Variants in CDH8 observed in about 807,000 individuals in gnomAD.
The protein encoded by CDH8 is cadherin-8.
A neutral mutation model predicts 68.1 loss-of-function variants in CDH8; 17 were observed. The ratio of observed to expected loss-of-function variants is 0.25; its 90% confidence interval spans 0.17 to 0.37. The LOEUF (loss-of-function observed/expected upper bound fraction) is 0.37, where lower values mean the gene tolerates loss of function less well. CDH8 is among the 10% of genes least tolerant of loss of function. The pLI, the probability that CDH8 is intolerant of heterozygous loss-of-function variation, is 1.00. For missense variants in CDH8, 763 were observed against 999.3 expected, an observed-to-expected ratio of 0.76 and a Z score of 3.19; for synonymous variants, 372 against 365.1, an observed-to-expected ratio of 1.02 and a Z score of -0.21.
intron 3 of CDH8, among the ~76,000 whole-genome samples, chr16:61,859,534 G>A (rs1002219819): frequency 6.6e-6 from 1 of 152,170 alleles, no homozygotes; most frequent in Admixed American, 6.5e-5. Context: ...CACTCTCTCT[G>A]TTAGGGCCTC....
chr16:61,903,769 C>T (rs1964019680), intron 2 of CDH8, among the ~76,000 whole-genome samples: 1 of 152,092 alleles, frequency 6.6e-6, no homozygotes, highest in South Asian at 2.1e-4. Flanking sequence ...GAAACTGAAA[C>T]CATCCAGCTA....
At chr16:61,934,127 C>G (rs1283043223) in intron 2 of CDH8, 1 of 152,128 alleles carries the variant, frequency 6.6e-6, no homozygotes, top group Non-Finnish European at 1.5e-5. Flanking sequence ...CTGAGTGGTT[C>G]CCTGATTCAG....
intron 8 of CDH8, among the ~76,000 whole-genome samples, chr16:61,774,456 A>C (rs1297096517): frequency 2.2e-5 from 2 of 90,872 alleles, no homozygotes; most frequent in African/African-American, 1.6e-4. Flanking sequence ...TCAATCACTC[A>C]GGGAAAAAAA....
intron 2 of CDH8, among the ~76,000 whole-genome samples, chr16:61,954,236 G>A (rs1051671506): frequency 6.6e-6 from 1 of 151,952 alleles, no homozygotes; most frequent in African/African-American, 2.4e-5. Flanking sequence ...GAGAAAGGAG[G>A]AGGAAAAACC....
chr16:61,907,485 C>T (rs1384151506), intron 2 of CDH8, among the ~76,000 whole-genome samples: 1 of 151,764 alleles, frequency 6.6e-6, no homozygotes, highest in Non-Finnish European at 1.5e-5. Flanking sequence ...TCGAGGCCAG[C>T]CTGAGCAACA....
At position 62,034,132 on chromosome 16, in the gene CDH8, C is replaced by T. The variant is rs988227108; in HGVS notation, c.-200+1948G>A. Among the ~76,000 whole-genome samples, 9 of 152,096 alleles carry T rather than the reference C, an allele frequency of 5.9e-5. No individual in the cohort carries two copies. In the South Asian group the frequency reaches 1.5e-3, roughly 25 times the overall value. The stretch of plus-strand genomic sequence containing the variant: ...AAGAGAACATCCTTCAAAGGTACCA[C>T]TTCTCTCTGTAGAAGAATCCCACTC... On this transcript the variant is annotated intron_variant, in intron 1 of 11. Coordinates refer to ENST00000577390, the MANE Select transcript of CDH8 (RefSeq NM_001796.5).
intron 5 of CDH8, among the ~76,000 whole-genome samples, chr16:61,821,907 C>T (rs1041535246): frequency 4.6e-5 from 7 of 151,912 alleles, no homozygotes; most frequent in South Asian, 2.1e-4. Flanking sequence ...CTGTAGTGTA[C>T]ACCTGTCTTA....
In CDH8 at chr16:61,647,471, G is replaced by T. The variant is rs952189590; in HGVS notation, c.*6137C>A. The T allele has an allele frequency of 9.7e-5, 9 of 92,694 alleles. No homozygotes were observed. Among genetic ancestry groups the T allele is most frequent in the African/African-American group, 3.5e-4 (1 of 2,864 alleles). 5.7% of individuals were successfully genotyped at this position (92,694 alleles called of 1,614,324 possible). On this transcript the variant is annotated 3_prime_UTR_variant, in exon 12 of 12. Transcript: ENST00000577390. ...AAAGCAGAGTAACGTTGGAAAGGTG[G>T]GGGGGGTGATCCCAGTGACTCCTAA...
intron 8 of CDH8, among the ~76,000 whole-genome samples, chr16:61,755,505 T>C (rs1467050686): frequency 2.6e-5 from 4 of 152,104 alleles, no homozygotes; most frequent in South Asian, 2.1e-4. Context: ...TATTTCAAAA[T>C]AGTAGAAATA....
chr16:62,029,137 C>G (rs1420920953), intron 1 of CDH8, among the ~76,000 whole-genome samples: 1 of 152,134 alleles, frequency 6.6e-6, no homozygotes, highest in African/African-American at 2.4e-5. Context: ...AACTGATGCT[C>G]TGTGTTTAAT....
intron 7 of CDH8, among the ~76,000 whole-genome samples, chr16:61,792,111 G>C (rs1380680977): frequency 6.6e-6 from 1 of 151,844 alleles, no homozygotes; most frequent in Non-Finnish European, 1.5e-5. Context: ...ATTTATAAAT[G>C]GCAGAAAACT....
At chr16:61,865,374 A>G (rs1481034508) in intron 3 of CDH8, among the ~76,000 whole-genome samples, 1 of 152,210 alleles carries the variant, frequency 6.6e-6, no homozygotes, top group Non-Finnish European at 1.5e-5. Context: ...GAAACAATTA[A>G]ACACTTTAGA....
intron 8 of CDH8, among the ~76,000 whole-genome samples, chr16:61,782,005 G>A (rs1238047225): frequency 6.6e-6 from 1 of 152,212 alleles, no homozygotes; most frequent in Non-Finnish European, 1.5e-5. Flanking sequence ...GAGTTTGGCA[G>A]TGTTGAAACT....
At chr16:61,875,686 C>A (rs1262967145) in intron 3 of CDH8, among the ~76,000 whole-genome samples, 5 of 152,126 alleles carry the variant, frequency 3.3e-5, no homozygotes, top group Non-Finnish European at 4.4e-5. Context: ...TCAAGGTTCA[C>A]AGAAAGTACT....
At chr16:61,661,980 C>T (rs1432357481) in intron 10 of CDH8, among the ~76,000 whole-genome samples, 1 of 148,576 alleles carries the variant, frequency 6.7e-6, no homozygotes, top group Non-Finnish European at 1.5e-5. Flanking sequence ...AAGAAAAAGC[C>T]TTTTGACTTT....
intron 4 of CDH8, among the ~76,000 whole-genome samples, chr16:61,826,077 G>A (rs184340523): frequency 9.7e-4 from 147 of 151,688 alleles, no homozygotes; most frequent in Middle Eastern, 3.4e-3. Flanking sequence ...ATTTTGAGGC[G>A]CAAAATTATA....
At chr16:61,888,840 C>G (rs575921085) in intron 3 of CDH8, among the ~76,000 whole-genome samples, 1 of 152,268 alleles carries the variant, frequency 6.6e-6, no homozygotes, top group African/African-American at 2.4e-5. Context: ...CACTACTGCT[C>G]CATCCCCAAT....
At chr16:61,819,446 GCT>G (rs1962161046) in intron 6 of CDH8, among the ~76,000 whole-genome samples, 1 of 151,928 alleles carries the variant, frequency 6.6e-6, no homozygotes, top group South Asian at 2.1e-4. Context: ...GGAAAATGTG[GCT>G]CTGGGTTATT....
chr16:61,771,432 C>T (rs1392709279), intron 8 of CDH8, among the ~76,000 whole-genome samples: 1 of 129,884 alleles, frequency 7.7e-6, no homozygotes, highest in Non-Finnish European at 1.6e-5. Context: ...TACTATGCCT[C>T]ACACACAAAT....
Sources: gnomAD v4.1 joint callset for allele counts (sites outside exome capture counted in the v4.1 genomes callset) on GRCh38, gnomAD v4.1.1 for gene constraint, MANE v1.5 for transcripts, NCBI Gene and HGNC (gene_info 2026-07-23, HGNC 2026-07-21) for gene names.